GRIK3: variants seen among roughly 807,000 people sequenced by gnomAD.
GRIK3 encodes the protein glutamate ionotropic receptor kainate type subunit 3.
A neutral mutation model predicts 102.5 loss-of-function variants in GRIK3; 29 were observed. The ratio of observed to expected loss-of-function variants is 0.28; its 90% CI spans 0.21 to 0.39. GRIK3 has a LOEUF of 0.39. Ranked by LOEUF, GRIK3 falls within the 10% of genes least tolerant of loss-of-function variation. The pLI is 1.00. For synonymous variants in GRIK3, 511 were observed against 504.9 expected (o/e 1.01, Z -0.16); for missense variants, 908 against 1,252.4 (o/e 0.73, Z 4.15).
chr1:36,975,306 T>TTTTTTTTTTTC, intron 1 of GRIK3, among the ~76,000 whole-genome samples: 1 of 149,420 alleles, frequency 6.7e-6, no homozygotes, highest in South Asian at 2.1e-4. Flanking sequence ...TTTTTTTTTT[T>TTTTTTTTTTTC]TTGAGAGGGA....
intron 10 of GRIK3, among the ~76,000 whole-genome samples, chr1:36,837,384 T>G (rs987244477): frequency 6.6e-6 from 1 of 152,138 alleles, no homozygotes; most frequent in African/African-American, 2.4e-5. Flanking sequence ...CAGAGTAGAA[T>G]TCCATGCCCT....
At chr1:36,905,344 T>C (rs1447761005) in intron 1 of GRIK3, among the ~76,000 whole-genome samples, 2 of 152,004 alleles carry the variant, frequency 1.3e-5, no homozygotes, top group East Asian at 3.8e-4. Flanking sequence ...GCAATTCCAA[T>C]TAAAATCAAA....
rs1246059449 is a variant in GRIK3 at position 36,806,335 on chromosome 1, T to C, written c.2092-9A>G. 6.3e-7 allele frequency: 1 copy of C among 1,591,954 alleles called. No individual in the cohort carries two copies. Among genetic ancestry groups the C allele is most frequent in the African/African-American group, 1.3e-5 (1 of 74,262 alleles). On this transcript the variant is annotated splice_polypyrimidine_tract_variant and intron_variant, in intron 13 of 15. Transcript: ENST00000373091. This position sits in a 1 kb window ranked among gnomAD's most constrained non-coding sequence, Gnocchi z 4.0. Reference sequence around the variant, plus strand: ...GTGGAGATCTTGGATTTCTGGGCCGTGAGGGAAGGGGTGATGCACACACCG... The same window carrying C: ...GTGGAGATCTTGGATTTCTGGGCCGCGAGGGAAGGGGTGATGCACACACCG...
intron 1 of GRIK3, among the ~76,000 whole-genome samples, chr1:36,896,382 ATTATT>A (rs1641172535): frequency 6.6e-6 from 1 of 152,138 alleles, no homozygotes; most frequent in South Asian, 2.1e-4. Context: ...AGGAATTAGG[ATTATT>A]TTGTTACTGT....
At chr1:36,813,449 T>G (rs1642585172) in intron 13 of GRIK3, among the ~76,000 whole-genome samples, 1 of 152,204 alleles carries the variant, frequency 6.6e-6, no homozygotes, top group Admixed American at 6.5e-5. Flanking sequence ...ACTCTCATGG[T>G]CAGGGGAAGA....
chr1:36,986,478 CCATCCAT>C (rs1557453000), intron 1 of GRIK3, among the ~76,000 whole-genome samples: 2 of 140,196 alleles, frequency 1.4e-5, no homozygotes, highest in African/African-American at 6.2e-5. Flanking sequence ...ATCCATCCAT[CCATCCAT>C]CCATCCATCC....
chr1:36,817,229 A>G lies in GRIK3; in HGVS notation c.1922T>C (p.Ile641Thr). Residue 641 changes from isoleucine to threonine, a missense_variant, in exon 13 of 16, where the codon ATC becomes ACC. Around this residue, in one of 3 missense-constraint regions of GRIK3, gnomAD observed 26 missense variants for 64.8 expected, o/e 0.40. Coordinates refer to ENST00000373091, the MANE Select transcript of GRIK3 (RefSeq NM_000831.4). ...KALSTRIIGG[I>T]WWFFTLIIIS... ...GATGATGAGCGTGAAGAACCACCAG[A>G]TGCCACCAATGATGCGTGTGGACAG... 5 of 1,613,958 alleles carry G rather than the reference A, an allele frequency of 3.1e-6. No homozygotes were observed. Among genetic ancestry groups the G allele is most frequent in the Non-Finnish European group, 4.2e-6 (5 of 1,179,858 alleles).
chr1:36,954,704 T>C (rs186868834), intron 1 of GRIK3, among the ~76,000 whole-genome samples: 100 of 151,378 alleles, frequency 6.6e-4, no homozygotes, highest in Non-Finnish European at 1.2e-3. Context: ...CATACACAGG[T>C]CCACACACAC....
chr1:36,962,944 A>G (rs1166380290), intron 1 of GRIK3, among the ~76,000 whole-genome samples: 2 of 149,824 alleles, frequency 1.3e-5, no homozygotes, highest in Non-Finnish European at 3.0e-5. Context: ...GGACATGATG[A>G]GGAGAGAGAT....
chr1:36,939,557 G>C (rs771999626), intron 1 of GRIK3, among the ~76,000 whole-genome samples: 4 of 152,246 alleles, frequency 2.6e-5, no homozygotes, highest in African/African-American at 7.2e-5. Context: ...GGCCAGGGCT[G>C]TCATCAGCCC....
chr1:36,946,066 G>A lies in GRIK3; in HGVS notation c.116-54970C>T, dbSNP rs1323026361. Among the ~76,000 whole-genome samples, 4 of 152,382 alleles carry A rather than the reference G, an allele frequency of 2.6e-5. No homozygotes were observed. In the East Asian group the frequency reaches 7.7e-4, roughly 29 times the overall value. ...AGAGAAGGCAGAACTGCAAGAGGCA[G>A]CCCGAGGATATGCAGCCAGGATAGG... On this transcript the variant is annotated intron_variant, in intron 1 of 15. Coordinates refer to ENST00000373091, the MANE Select transcript of GRIK3 (RefSeq NM_000831.4).
At chr1:36,915,328 A>G (rs1641386726) in intron 1 of GRIK3, among the ~76,000 whole-genome samples, 1 of 152,200 alleles carries the variant, frequency 6.6e-6, no homozygotes, top group Non-Finnish European at 1.5e-5. Context: ...GGGCCTGCAG[A>G]TCTTATCAGC....
chr1:36,939,383 C>T (rs1222095640), intron 1 of GRIK3, among the ~76,000 whole-genome samples: 1 of 152,210 alleles, frequency 6.6e-6, no homozygotes, highest in Non-Finnish European at 1.5e-5. Context: ...AAGAACAAAC[C>T]CCTTCTGCAA....
At chr1:37,008,944 G>A (rs372724942) in intron 1 of GRIK3, among the ~76,000 whole-genome samples, 28 of 152,192 alleles carry the variant, frequency 1.8e-4, no homozygotes, top group African/African-American at 6.3e-4. Context: ...CTGTGATATC[G>A]TTAAGACCAC....
At chr1:36,839,142 C>T (rs915407018) in intron 10 of GRIK3, among the ~76,000 whole-genome samples, 6 of 152,134 alleles carry the variant, frequency 3.9e-5, no homozygotes, top group African/African-American at 7.2e-5. Context: ...TGCTCACCTC[C>T]GCACCCAGCC....
chr1:37,003,721 A>G (rs1323020780), intron 1 of GRIK3, among the ~76,000 whole-genome samples: 2 of 152,172 alleles, frequency 1.3e-5, no homozygotes, highest in Non-Finnish European at 2.9e-5. Flanking sequence ...TTGGTCCCCA[A>G]GACAGCCCCT....
rs1642404473 is a variant in GRIK3, at chr1:36,799,232, G to C, written c.*2619C>G. 1 of 152,268 alleles carries C rather than the reference G, an allele frequency of 6.6e-6. No individual in the cohort carries two copies. Among genetic ancestry groups the C allele is most frequent in the Non-Finnish European group, 1.5e-5 (1 of 68,062 alleles). 9.4% of individuals were successfully genotyped at this position (152,268 alleles called of 1,614,324 possible). On this transcript the variant is annotated 3_prime_UTR_variant, in exon 16 of 16. Transcript: ENST00000373091. Reference sequence around the variant, plus strand: ...GGGTTGTGCCCCCGTCTCCTGGCAAGTGTGCCCATGCAACCTTGGAACCTC... The same window carrying C: ...GGGTTGTGCCCCCGTCTCCTGGCAACTGTGCCCATGCAACCTTGGAACCTC...
rs375007273 is a variant in GRIK3, at chr1:36,802,044, C to T, written c.2567G>A (p.Arg856His). ...KLRKTAEREQ[R>H]SFCSTVADEI... ...ATCGGCCACGGTGCTGCAGAAGGAA[C>T]GCTGCAGGAGGGTGGAGGAGAGGGG... Residue 856 changes from arginine to histidine, a missense_variant and splice_region_variant, in exon 16 of 16, where the codon CGT becomes CAT. Arg to His is a conservative substitution (Grantham distance 29). Transcript: ENST00000373091. 31 of 1,607,020 alleles carry T rather than the reference C, an allele frequency of 1.9e-5. No individual in the cohort carries two copies. Among genetic ancestry groups the T allele is most frequent in the Non-Finnish European group, 2.5e-5 (29 of 1,176,160 alleles).
At chr1:37,030,543 CCCCCT>C in intron 1 of GRIK3, among the ~76,000 whole-genome samples, 1 of 107,308 alleles carries the variant, frequency 9.3e-6, no homozygotes, top group Admixed American at 8.7e-5. Flanking sequence ...CCACCCCCCA[CCCCCT>C]CCCCCCCCCC....
Sources: gnomAD v4.1 joint callset for allele counts (sites outside exome capture counted in the v4.1 genomes callset) on GRCh38, gnomAD v4.1.1 for gene constraint, gnomAD v4.1.1 regional missense constraint, Gnocchi (gnomAD v3.1) non-coding constraint, MANE v1.5 for transcripts, NCBI Gene and HGNC (gene_info 2026-07-23, HGNC 2026-07-21) for gene names.